The following LRPPRC variants were observed in gnomAD, a reference collection of about 807,000 sequenced individuals.
LRPPRC encodes the protein leucine rich pentatricopeptide repeat containing.
Under a neutral mutation model 180.3 loss-of-function variants are expected in LRPPRC, and 120 were observed. The ratio of observed to expected loss-of-function variants is 0.67; its 90% CI spans 0.57 to 0.77. The LOEUF (loss-of-function observed/expected upper bound fraction) is 0.77. Ranked by LOEUF, LRPPRC falls within the 30% of genes least tolerant of loss-of-function variation. The probability of loss-of-function intolerance (pLI) is 0.00; values close to 1 mark genes in which losing one functional copy is unlikely to be tolerated. For synonymous variants in LRPPRC, 723 were observed against 600.0 expected (o/e 1.21, Z -3.00); for missense variants, 2,012 against 1,657.2 (o/e 1.21, Z -3.72).
In LRPPRC at chr2:43,934,877, C is replaced by A; in HGVS notation, c.2506G>T (p.Gly836Cys). The A allele has an allele frequency of 6.2e-7, 1 of 1,612,286 alleles. No individual in the cohort carries two copies. Among genetic ancestry groups the A allele is most frequent in the Non-Finnish European group, 8.5e-7 (1 of 1,178,898 alleles). Residue 836 changes from glycine to cysteine, a missense_variant and splice_region_variant, in exon 24 of 38, where the codon GGC (glycine) becomes TGC (cysteine). By Grantham distance (159) the Gly-to-Cys change is radical. Coordinates refer to ENST00000260665, the MANE Select transcript of LRPPRC (RefSeq NM_133259.4). Reference protein sequence around the residue: ...FPLVTVHLEKGDLSTALEVAI... With the variant: ...FPLVTVHLEKCDLSTALEVAI... The stretch of plus-strand genomic sequence containing the variant: ...ACCTCAAGAGCAGTAGATAGGTCGC[C>A]CCTTAGAAACAAAAAAATTAGCAAT...
chr2:43,981,258 C>G (rs1039821260), intron 2 of LRPPRC, among the ~76,000 whole-genome samples: 2 of 148,204 alleles, frequency 1.3e-5, no homozygotes, highest in East Asian at 1.9e-4. Flanking sequence ...AAACCTGACA[C>G]TCTACAATGG....
At chr2:43,995,709 G>A in intron 1 of LRPPRC, 90 bp downstream of exon 1, 3 of 1,207,320 alleles carry the variant, frequency 2.5e-6, no homozygotes, top group East Asian at 3.2e-5. Flanking sequence ...AGGGTGGCGA[G>A]CACAGGCAGG....
intron 26 of LRPPRC, among the ~76,000 whole-genome samples, chr2:43,925,440 T>C (rs971584808): frequency 6.6e-6 from 1 of 152,196 alleles, no homozygotes; most frequent in African/African-American, 2.4e-5. Context: ...TTCAAAGGTA[T>C]CTGGGTGGGA....
rs1416295982 is a variant in LRPPRC at position 43,976,978 on chromosome 2, T to C, written c.650+16A>G. ...TACAAATTTGTTCGCTTAAACATGT[T>C]CATACAGATCCATACCTGGCACCTT... is the stretch of plus-strand genomic sequence containing the variant. On this transcript the variant is annotated intron_variant, in intron 5 of 37. Transcript: ENST00000260665. The C allele has an allele frequency of 1.9e-6, 3 of 1,606,648 alleles. No individual in the cohort carries two copies. Among genetic ancestry groups the C allele is most frequent in the East Asian group, 2.2e-5 (1 of 44,748 alleles).
intron 14 of LRPPRC, among the ~76,000 whole-genome samples, chr2:43,952,817 G>C (rs905012325): frequency 6.6e-6 from 1 of 152,168 alleles, no homozygotes; most frequent in Non-Finnish European, 1.5e-5. Flanking sequence ...AATTGTGAAT[G>C]ATCTCCTAAT....
At chr2:43,962,050 A>T (rs1174441510) in intron 12 of LRPPRC, among the ~76,000 whole-genome samples, 2 of 152,220 alleles carry the variant, frequency 1.3e-5, no homozygotes, top group African/African-American at 4.8e-5. Flanking sequence ...AACACTCAAT[A>T]CTACTGAAAT....
At chr2:43,978,214 T>C (rs1256220073) in intron 3 of LRPPRC, among the ~76,000 whole-genome samples, 1 of 152,132 alleles carries the variant, frequency 6.6e-6, no homozygotes, top group African/African-American at 2.4e-5. Flanking sequence ...ACAAGTTACT[T>C]AAGCTAAAAG....
chr2:43,991,388 A>G (rs1200600036), intron 1 of LRPPRC, among the ~76,000 whole-genome samples: 6 of 152,166 alleles, frequency 3.9e-5, no homozygotes, highest in African/African-American at 1.4e-4. Context: ...GAGTTTTCTA[A>G]AAGTTTTCTT....
At chr2:43,911,525 T>TCTTC (rs1553394319) in intron 30 of LRPPRC, among the ~76,000 whole-genome samples, 1 of 93,748 alleles carries the variant, frequency 1.1e-5, no homozygotes, top group Non-Finnish European at 2.5e-5. Context: ...TTCTTCTTCT[T>TCTTC]TTTTTTTTTT....
chr2:43,917,917 T>C (rs1296470558), intron 29 of LRPPRC, 108 bp downstream of exon 29: 8 of 731,618 alleles, frequency 1.1e-5, no homozygotes, highest in Admixed American at 2.7e-5. Flanking sequence ...AAAATTTAAG[T>C]CCTATCTCTA....
intron 9 of LRPPRC, 58 bp downstream of exon 9, chr2:43,974,092 A>G (rs1012970624): frequency 8.7e-6 from 13 of 1,496,170 alleles, no homozygotes; most frequent in Non-Finnish European, 5.6e-6. Context: ...CCTATACTTT[A>G]AAGAATCTTA....
chr2:43,931,800 TTTC>T (rs1247853804), intron 25 of LRPPRC, among the ~76,000 whole-genome samples: 2 of 152,138 alleles, frequency 1.3e-5, no homozygotes, highest in African/African-American at 4.8e-5. Context: ...CATTGGCAGA[TTTC>T]TTCATCTGAA....
rs189922024 is a variant in LRPPRC, at chr2:43,915,027, G to A, written c.3149-2469C>T. ...GTTTGACACCAGCCTGGCCAACATG[G>A]TGAAACCCTGTCTCTACTAAAAATA... On this transcript the variant is annotated intron_variant, in intron 29 of 37. Coordinates refer to ENST00000260665, the MANE Select transcript of LRPPRC (RefSeq NM_133259.4). Among the ~76,000 whole-genome samples the A allele has an allele frequency of 3.7e-5, 5 of 136,664 alleles. No individual in the cohort carries two copies. The East Asian group carries it at 6.2e-4, about 17-fold the overall frequency. The allele number at this position is 136,664 out of a possible 152,430, so 89.7% of individuals were successfully genotyped here. A position where few individuals can be genotyped will look rare whatever the true frequency, so the allele number is the denominator to read the frequency against.
At chr2:43,909,914 A>G (rs1671198148) in intron 30 of LRPPRC, among the ~76,000 whole-genome samples, 1 of 152,166 alleles carries the variant, frequency 6.6e-6, no homozygotes, top group African/African-American at 2.4e-5. Context: ...AGCAGTTTCA[A>G]CCTTGGTAGA....
intron 34 of LRPPRC, among the ~76,000 whole-genome samples, chr2:43,898,395 T>C (rs1308110595): frequency 2.0e-5 from 3 of 152,172 alleles, no homozygotes; most frequent in Admixed American, 2.0e-4. Flanking sequence ...CTATTTACGA[T>C]CAGAAATTGG....
intron 27 of LRPPRC, among the ~76,000 whole-genome samples, chr2:43,920,230 G>A: frequency 6.6e-6 from 1 of 151,912 alleles, no homozygotes; most frequent in East Asian, 1.9e-4. Context: ...CCGCCTCCAG[G>A]GTTCAAGCAA....
intron 37 of LRPPRC, 127 bp downstream of exon 37, chr2:43,889,607 C>T (rs1399784972): frequency 7.2e-6 from 6 of 835,998 alleles, no homozygotes; most frequent in Non-Finnish European, 8.2e-6. Flanking sequence ...CAAGCCATCC[C>T]CTGAGGGCTC....
intron 25 of LRPPRC, among the ~76,000 whole-genome samples, chr2:43,933,620 A>C (rs938276630): frequency 2.6e-5 from 4 of 152,216 alleles, no homozygotes; most frequent in Non-Finnish European, 5.9e-5. Context: ...AGCAAAATTT[A>C]GTAAAGCCTA....
intron 4 of LRPPRC, 37 bp from the exon 5 acceptor site, chr2:43,977,089 T>G: frequency 1.2e-6 from 2 of 1,604,170 alleles, no homozygotes; most frequent in Non-Finnish European, 1.7e-6. Context: ...TTAAATATAC[T>G]TTTTTTTCTG....
Sources: allele counts gnomAD v4.1 joint callset (sites outside exome capture counted in the v4.1 genomes callset), GRCh38; gene constraint gnomAD v4.1.1; transcripts MANE v1.5; gene names NCBI Gene and HGNC (gene_info 2026-07-23, HGNC 2026-07-21).